The following ALDH9A1 variants were observed in gnomAD, a reference collection of about 807,000 sequenced individuals.
The protein encoded by ALDH9A1 is aldehyde dehydrogenase 9 family member A1.
Under a neutral mutation model 56.6 loss-of-function variants are expected in ALDH9A1, and 42 were observed. The observed-to-expected ratio is 0.74, with a 90% CI of 0.58 to 0.96. The LOEUF (loss-of-function observed/expected upper bound fraction) is 0.96, where lower values mean the gene tolerates loss of function less well. ALDH9A1 is among the 40% of genes least tolerant of loss of function. The probability of loss-of-function intolerance (pLI) is 0.00; values close to 1 mark genes in which losing one functional copy is unlikely to be tolerated. For synonymous variants in ALDH9A1, 242 were observed against 236.0 expected (o/e 1.03, Z -0.23); for missense variants, 661 against 651.5 (o/e 1.01, Z -0.16).
At chr1:165,698,005 T>C (rs1368656332) in intron 1 of ALDH9A1, among the ~76,000 whole-genome samples, 1 of 152,182 alleles carries the variant, frequency 6.6e-6, no homozygotes, top group Non-Finnish European at 1.5e-5. Context: ...CACTCCAGCC[T>C]GGGCGACAGA....
chr1:165,697,453 T>C (rs1035607421), intron 1 of ALDH9A1, among the ~76,000 whole-genome samples: 9 of 152,368 alleles, frequency 5.9e-5, no homozygotes, highest in Non-Finnish European at 1.0e-4. Flanking sequence ...CTTAAGTATA[T>C]ACAATTTTTA....
At chr1:165,685,607 A>T (rs1649683662) in intron 2 of ALDH9A1, among the ~76,000 whole-genome samples, 1 of 152,224 alleles carries the variant, frequency 6.6e-6, no homozygotes, top group African/African-American at 2.4e-5. Context: ...GCATTGTAAA[A>T]GCATGAGGTG....
intron 2 of ALDH9A1, among the ~76,000 whole-genome samples, chr1:165,687,308 A>T (rs1571181289): frequency 6.6e-6 from 1 of 151,384 alleles, no homozygotes. Context: ...AAAAAAAACT[A>T]AAGAAATCAT....
chr1:165,680,445 C>A, intron 5 of ALDH9A1, 42 bp downstream of exon 5: 1 of 1,598,304 alleles, frequency 6.3e-7, no homozygotes, highest in Non-Finnish European at 8.5e-7. Context: ...TTTGCCACAT[C>A]CAAATGCCAT....
At chr1:165,684,804 C>T (rs575523484) in intron 2 of ALDH9A1, among the ~76,000 whole-genome samples, 1 of 152,228 alleles carries the variant, frequency 6.6e-6, no homozygotes, top group African/African-American at 2.4e-5. Flanking sequence ...GTGATTCTAT[C>T]GCTGCTAAGC....
chr1:165,690,483 G>C (rs961381319), intron 2 of ALDH9A1, among the ~76,000 whole-genome samples: 6 of 152,138 alleles, frequency 3.9e-5, no homozygotes, highest in African/African-American at 1.4e-4. Context: ...GCTCCGATCT[G>C]CATCTCCCAG....
chr1:165,692,986 T>C (rs1297298547), intron 2 of ALDH9A1, among the ~76,000 whole-genome samples: 1 of 151,844 alleles, frequency 6.6e-6, no homozygotes, highest in East Asian at 1.9e-4. Flanking sequence ...ATTTAATAAA[T>C]GGTGCTGGGA....
chr1:165,682,035 G>A (rs1571177062), intron 4 of ALDH9A1, 72 bp downstream of exon 4: 1 of 1,569,198 alleles, frequency 6.4e-7, no homozygotes, highest in Non-Finnish European at 8.7e-7. Context: ...GAGGTGAAAG[G>A]TAGAGAATGG....
chr1:165,665,262 T>A (rs1273360315), intron 9 of ALDH9A1, 132 bp from the exon 10 acceptor site: 1 of 721,268 alleles, frequency 1.4e-6, no homozygotes, highest in Non-Finnish European at 2.3e-6. Context: ...TGTTTTAAAA[T>A]CTTTTATCAT....
chr1:165,682,393 T>C, intron 3 of ALDH9A1, 152 bp from the exon 4 acceptor site: 1 of 839,984 alleles, frequency 1.2e-6, no homozygotes, highest in East Asian at 2.7e-5. Flanking sequence ...CTTCTATTTG[T>C]TCCAGGCAGT....
At chr1:165,678,039 A>T (rs1204802514) in intron 6 of ALDH9A1, among the ~76,000 whole-genome samples, 1 of 150,994 alleles carries the variant, frequency 6.6e-6, no homozygotes, top group Non-Finnish European at 1.5e-5. Flanking sequence ...CGTCTCAATA[A>T]AAAAATAAAA....
chr1:165,671,358 T>A, intron 6 of ALDH9A1: 1 of 433,516 alleles, frequency 2.3e-6, no homozygotes, highest in Non-Finnish European at 4.6e-6. Flanking sequence ...GGGGCTGAAG[T>A]TGACATCTGA....
chr1:165,681,462 C>T, intron 4 of ALDH9A1, among the ~76,000 whole-genome samples: 1 of 152,198 alleles, frequency 6.6e-6, no homozygotes, highest in East Asian at 1.9e-4. Context: ...ACAGCTGTAT[C>T]TCAAAGAGAA....
chr1:165,666,656 T>A (rs1174105656), intron 9 of ALDH9A1, among the ~76,000 whole-genome samples: 1 of 152,024 alleles, frequency 6.6e-6, no homozygotes, highest in South Asian at 2.1e-4. Flanking sequence ...AAAAAAAAAA[T>A]GTGAACTTTA....
chr1:165,674,878 A>T (rs900492974), intron 6 of ALDH9A1, among the ~76,000 whole-genome samples: 1 of 151,964 alleles, frequency 6.6e-6, no homozygotes, highest in Non-Finnish European at 1.5e-5. Context: ...AAATTGTGAT[A>T]CATATTTAAA....
chr1:165,666,589 T>C (rs903796639), intron 9 of ALDH9A1, among the ~76,000 whole-genome samples: 2 of 152,056 alleles, frequency 1.3e-5, no homozygotes, highest in African/African-American at 2.4e-5. Context: ...AGCAATTACA[T>C]CAGGTCCTCA....
At chr1:165,664,337 C>T (rs530409149) in intron 10 of ALDH9A1, among the ~76,000 whole-genome samples, 1 of 152,322 alleles carries the variant, frequency 6.6e-6, no homozygotes, top group Non-Finnish European at 1.5e-5. Context: ...TGAATATTTA[C>T]AGGCAACAAA....
chr1:165,678,823 A>T (rs530907943), intron 6 of ALDH9A1, among the ~76,000 whole-genome samples: 1 of 152,338 alleles, frequency 6.6e-6, no homozygotes, highest in Admixed American at 6.5e-5. Flanking sequence ...GACCCAAACT[A>T]AGGAACATTC....
At chr1:165,675,116 G>A (rs1238316470) in intron 6 of ALDH9A1, among the ~76,000 whole-genome samples, 1 of 152,074 alleles carries the variant, frequency 6.6e-6, no homozygotes, top group African/African-American at 2.4e-5. Context: ...AATCGCTTGA[G>A]CTCCAGGGGC....
Sources: gnomAD v4.1 joint callset for allele counts (sites outside exome capture counted in the v4.1 genomes callset) on GRCh38, gnomAD v4.1.1 for gene constraint, MANE v1.5 for transcripts, NCBI Gene and HGNC (gene_info 2026-07-23, HGNC 2026-07-21) for gene names.